The following FBLN1 variants were observed in gnomAD, a reference collection of about 807,000 sequenced individuals.
FBLN1 encodes the protein fibulin-1.
In FBLN1, 34 loss-of-function variants were observed where a neutral mutation model predicts 89.7. The observed-to-expected ratio is 0.38, with a 90% CI of 0.29 to 0.50. The LOEUF (loss-of-function observed/expected upper bound fraction) is 0.50, where lower values mean the gene tolerates loss of function less well. Among genes scored for constraint, FBLN1 ranks in the 20% least tolerant of loss-of-function variants. The probability of loss-of-function intolerance (pLI) is 0.92; values close to 1 mark genes in which losing one functional copy is unlikely to be tolerated. For missense variants in FBLN1, 777 were observed against 988.1 expected, an observed-to-expected ratio of 0.79 and a Z score of 2.86; for synonymous variants, 393 against 391.3, an observed-to-expected ratio of 1.00 and a Z score of -0.05.
At chr22:45,528,573 G>A (rs1026480355) in intron 4 of FBLN1, among the ~76,000 whole-genome samples, 1 of 152,122 alleles carries the variant, frequency 6.6e-6, no homozygotes, top group African/African-American at 2.4e-5. Flanking sequence ...TGGAACTCCT[G>A]ACCTCAGGTA....
In FBLN1 at chr22:45,562,915, C is replaced by T; in HGVS notation, c.1698-11596C>T. 4 of 1,613,890 alleles carry T rather than the reference C, an allele frequency of 2.5e-6. No individual in the cohort carries two copies. The highest frequency in any genetic ancestry group is 3.4e-6 in the Non-Finnish European group (4 of 1,180,022). ...TCTCTGCCCACTTTTCTTGCAGCCGCTGTGAGCGCTTGCCTTGCCATGAGA... is the reference window on the plus strand; with the variant it reads ...TCTCTGCCCACTTTTCTTGCAGCCGTTGTGAGCGCTTGCCTTGCCATGAGA... On this transcript the variant is annotated intron_variant, in intron 14 of 16. Transcript: ENST00000327858. This position sits in a 1 kb window ranked among gnomAD's most constrained non-coding sequence, Gnocchi z 7.8.
chr22:45,585,469 A>T (rs1227126111), intron 16 of FBLN1, among the ~76,000 whole-genome samples: 1 of 152,224 alleles, frequency 6.6e-6, no homozygotes, highest in Non-Finnish European at 1.5e-5. Context: ...ATTACAAATG[A>T]GATTCAGAAA....
intron 3 of FBLN1, among the ~76,000 whole-genome samples, chr22:45,527,574 GT>G (rs980066011): frequency 1.2e-4 from 18 of 152,138 alleles, no homozygotes; most frequent in African/African-American, 4.1e-4. Flanking sequence ...ATGTTGAGGG[GT>G]GCAATTGCAT....
In FBLN1 at chr22:45,525,537, C is replaced by T; in HGVS notation, c.186-6C>T. The T allele has an allele frequency of 1.3e-6, 2 of 1,549,108 alleles. No individual in the cohort carries two copies. Among genetic ancestry groups the T allele is most frequent in the Non-Finnish European group, 1.7e-6 (2 of 1,146,780 alleles). ...AGCCTTGGCCCAGCCCACCCCTCAC[C>T]CACAGGATGGTGCAGGAGCAGTGCT... On this transcript the variant is annotated splice_region_variant and splice_polypyrimidine_tract_variant and intron_variant, in intron 2 of 16. Transcript: ENST00000327858.
intron 16 of FBLN1, among the ~76,000 whole-genome samples, chr22:45,591,540 A>G (rs367982717): frequency 6.6e-6 from 1 of 152,168 alleles, no homozygotes; most frequent in African/African-American, 2.4e-5. Flanking sequence ...AGAAATACGG[A>G]TGATGAGTTT....
chr22:45,592,174 GTC>G (rs746794549), intron 16 of FBLN1, among the ~76,000 whole-genome samples: 1 of 152,302 alleles, frequency 6.6e-6, no homozygotes, highest in East Asian at 1.9e-4. Flanking sequence ...GGGCGACCGT[GTC>G]TCATCCCTAA....
intron 14 of FBLN1, among the ~76,000 whole-genome samples, chr22:45,553,754 C>T (rs75966539): frequency 0.014 from 2,181 of 152,300 alleles, 30 homozygotes; most frequent in Non-Finnish European, 0.024. Flanking sequence ...GGAGGGGGAG[C>T]CTCCAGGGGA....
rs1782720777 is a variant in FBLN1, at chr22:45,579,069, T to G, written c.1972+1961T>G. 6.6e-6 allele frequency among the ~76,000 whole-genome samples: 1 copy of G among 152,196 alleles called. No individual in the cohort carries two copies. Among genetic ancestry groups the G allele is most frequent in the Non-Finnish European group, 1.5e-5 (1 of 68,042 alleles). ...TCCTGGCAGGTTTTACGTCTTTAGT[T>G]CCCACCTACATCCTTCCTGGGGTGA... On this transcript the variant is annotated intron_variant, in intron 16 of 16. Coordinates refer to ENST00000327858, the MANE Select transcript of FBLN1 (RefSeq NM_006486.3). This position sits in a 1 kb window ranked among gnomAD's most constrained non-coding sequence, Gnocchi z 5.5.
At chr22:45,525,417 C>A in intron 2 of FBLN1, 126 bp from the exon 3 acceptor site, 2 of 860,598 alleles carry the variant, frequency 2.3e-6, no homozygotes, top group South Asian at 1.6e-5. Flanking sequence ...CTGTGTATTT[C>A]TCTCTCTGTG....
At position 45,563,303 on chromosome 22, in the gene FBLN1, C is replaced by G. The variant is rs897060921; in HGVS notation, c.1698-11208C>G. On this transcript the variant is annotated intron_variant, in intron 14 of 16. Coordinates refer to ENST00000327858, the MANE Select transcript of FBLN1 (RefSeq NM_006486.3). This position sits in a 1 kb window ranked among gnomAD's most constrained non-coding sequence, Gnocchi z 5.7. ...GCGTCGCGGGGTCTCCCTCCTGTTGCTTTCCTAACCCTGCCCTCCGGGGCG... is the reference window on the plus strand; with the variant it reads ...GCGTCGCGGGGTCTCCCTCCTGTTGGTTTCCTAACCCTGCCCTCCGGGGCG... 3.1e-6 allele frequency: 5 copies of G among 1,612,636 alleles called. No individual in the cohort carries two copies. The highest frequency in any genetic ancestry group is 1.7e-5 in the Admixed American group (1 of 59,990).
At chr22:45,582,821 G>A (rs1894615) in intron 16 of FBLN1, among the ~76,000 whole-genome samples, 2,482 of 152,306 alleles carry the variant, frequency 0.016, 52 homozygotes, top group African/African-American at 0.055. Context: ...GTGTGGGTGC[G>A]TGTGAGTGGT....
At chr22:45,505,810 C>T (rs955532809) in intron 1 of FBLN1, among the ~76,000 whole-genome samples, 4 of 152,112 alleles carry the variant, frequency 2.6e-5, no homozygotes, top group Admixed American at 1.3e-4. Flanking sequence ...TCGCTCTTGT[C>T]GCCCAGGCTG....
intron 11 of FBLN1, 146 bp from the exon 12 acceptor site, chr22:45,546,939 G>T: frequency 3.7e-5 from 48 of 1,295,060 alleles, no homozygotes; most frequent in Non-Finnish European, 5.2e-5. Context: ...CCTCTCCCTC[G>T]GCCACACCCC....
intron 14 of FBLN1, among the ~76,000 whole-genome samples, chr22:45,553,387 G>C (rs1052087484): frequency 6.6e-6 from 1 of 152,148 alleles, no homozygotes; most frequent in African/African-American, 2.4e-5. Flanking sequence ...CTGCGTGGCA[G>C]GGGGGGACGG....
chr22:45,545,223 C>CTTGT lies in FBLN1; in HGVS notation c.1321+1698_1321+1701dup, dbSNP rs2088611450. Among the ~76,000 whole-genome samples, 2 of 152,170 alleles carry CTTGT rather than the reference C, an allele frequency of 1.3e-5. No individual in the cohort carries two copies. Among genetic ancestry groups the CTTGT allele is most frequent in the Admixed American group, 6.5e-5 (1 of 15,276 alleles). On this transcript the variant is annotated intron_variant, in intron 11 of 16. Transcript: ENST00000327858. This position sits in a 1 kb window ranked among gnomAD's most constrained non-coding sequence, Gnocchi z 5.9. ...AGATTCACGAGTTGAGTCTCTCAGG[C>CTTGT]TTGTGTTCAAACCTGACTTCTGCCA... is the stretch of plus-strand genomic sequence containing the variant.
intron 7 of FBLN1, 85 bp downstream of exon 7, chr22:45,533,983 T>C: frequency 6.3e-7 from 1 of 1,579,386 alleles, no homozygotes; most frequent in Non-Finnish European, 8.6e-7. Flanking sequence ...GGGTCTGGGC[T>C]CCCGCAGTCC....
At chr22:45,504,504 G>A (rs2087991622) in intron 1 of FBLN1, among the ~76,000 whole-genome samples, 1 of 152,168 alleles carries the variant, frequency 6.6e-6, no homozygotes, top group East Asian at 1.9e-4. Flanking sequence ...GCTGCCAGCT[G>A]GAGGGAAAAC....
In FBLN1 at chr22:45,600,621, T is replaced by C. The variant is rs904446866; in HGVS notation, c.*175T>C. The C allele has an allele frequency of 6.4e-6, 5 of 782,388 alleles. No homozygotes were observed. The African/African-American group carries it at 6.9e-5, about 11-fold the overall frequency. 48.5% of individuals were successfully genotyped at this position (782,388 alleles called of 1,614,324 possible). A position where few individuals can be genotyped will look rare whatever the true frequency, so the allele number is the denominator to read the frequency against. On this transcript the variant is annotated 3_prime_UTR_variant, in exon 17 of 17. Transcript: ENST00000327858. ...ATAAGTCCATCTGATGTATTTTCGG[T>C]GTTTAAAAAATGAGCCCAGTTGCTC...
rs756438740 is a variant in FBLN1, at chr22:45,563,064, TGCA to T, written c.1698-11444_1698-11442del. 1.2e-6 allele frequency: 2 copies of T among 1,613,336 alleles called. No individual in the cohort carries two copies. Among genetic ancestry groups the T allele is most frequent in the Non-Finnish European group, 1.7e-6 (2 of 1,179,916 alleles). On this transcript the variant is annotated intron_variant, in intron 14 of 16. Transcript: ENST00000327858. The surrounding 1 kb of genome is among the most constrained non-coding windows in gnomAD (Gnocchi z 5.7). The stretch of plus-strand genomic sequence containing the variant: ...TCCAGTGCTGTCCCCGGGGACAGCA[TGCA>T]GCTGGCCATCACCGGCGGCAATGAG...
Sources: allele counts gnomAD v4.1 joint callset (sites outside exome capture counted in the v4.1 genomes callset), GRCh38; gene constraint gnomAD v4.1.1; non-coding constraint Gnocchi (gnomAD v3.1); transcripts MANE v1.5; gene names NCBI Gene and HGNC (gene_info 2026-07-23, HGNC 2026-07-21).